DNHD1: variants seen among roughly 807,000 people sequenced by gnomAD.
DNHD1 encodes dynein heavy chain domain 1, also known as dynein heavy chain domain-containing protein 1.
In DNHD1, 383 loss-of-function variants were observed where a neutral mutation model predicts 458.1. The ratio of observed to expected loss-of-function variants is 0.84; its 90% CI spans 0.77 to 0.91. DNHD1 has a LOEUF of 0.91. Among genes scored for constraint, DNHD1 ranks in the 40% least tolerant of loss-of-function variants. The pLI, the probability that DNHD1 is intolerant of heterozygous loss-of-function variation, is 0.00. For synonymous variants in DNHD1, 2,203 were observed against 2,376.9 expected, an observed-to-expected ratio of 0.93 and a Z score of 2.13; for missense variants, 5,336 against 5,866.1, an observed-to-expected ratio of 0.91 and a Z score of 2.95.
intron 4 of DNHD1, among the ~76,000 whole-genome samples, chr11:6,507,156 C>T (rs950557734): frequency 6.6e-6 from 1 of 152,172 alleles, no homozygotes; most frequent in African/African-American, 2.4e-5. Flanking sequence ...TAGAAGTCAT[C>T]TTTATGTCCC....
At chr11:6,520,177 C>A in intron 9 of DNHD1, 61 bp from the exon 10 acceptor site, 6 of 1,606,056 alleles carry the variant, frequency 3.7e-6, no homozygotes, top group Non-Finnish European at 5.1e-6. Flanking sequence ...AAGCTCACAA[C>A]CTGGTTTGAA....
rs746961272 is a variant in DNHD1 at position 6,570,081 on chromosome 11, T to TAA, written c.12936_12937insAA (p.Ala4313LysfsTer25). ...GGGCAAGTCTTAGCAATCCCCGTGC[T>TAA]GCCATGCAAGAGCTGGCTGGTGAGA... On this transcript the variant is annotated frameshift_variant, in exon 40 of 43. Transcript: ENST00000254579. LOFTEE classifies it high-confidence loss of function. 1 of 1,613,866 alleles carries TAA rather than the reference T, an allele frequency of 6.2e-7. No individual in the cohort carries two copies. Among genetic ancestry groups the TAA allele is most frequent in the Non-Finnish European group, 8.5e-7 (1 of 1,179,868 alleles).
chr11:6,520,682 T>G, intron 10 of DNHD1: 1 of 1,050,554 alleles, frequency 9.5e-7, no homozygotes, highest in Non-Finnish European at 1.2e-6. Context: ...ACTTGCTTTA[T>G]GTCATATAGC....
At position 6,538,729 on chromosome 11, in the gene DNHD1, G is replaced by T; in HGVS notation, c.3244G>T (p.Glu1082Ter). Residue 1082 changes from glutamate (E) to a stop codon, truncating the protein, a stop_gained, in exon 16 of 43, where the codon GAG (glutamate) becomes TAG (stop). Coordinates refer to ENST00000254579, the MANE Select transcript of DNHD1 (RefSeq NM_144666.3). LOFTEE classifies it high-confidence loss of function. ...GCAGCACTGCATGCGCATCCTGGGG[G>T]AGTTTCGCAGCTACCTGCCCCTGCT... Reference protein sequence around the residue: ...VLQHCMRILGEFRSYLPLLTK... With the variant: ...VLQHCMRILG The T allele has an allele frequency of 1.9e-6, 3 of 1,549,574 alleles. No individual in the cohort carries two copies. The highest frequency in any genetic ancestry group is 2.6e-6 in the Non-Finnish European group (3 of 1,145,670).
At position 6,570,680 on chromosome 11, in the gene DNHD1, C is replaced by G; in HGVS notation, c.13168C>G (p.Pro4390Ala). The G allele has an allele frequency of 1.9e-6, 3 of 1,612,088 alleles. No homozygotes were observed. The highest frequency in any genetic ancestry group is 1.1e-5 in the South Asian group (1 of 90,538). ...CCAGATGCACCTACTGCCCTCACCACCTGAACCCCGGCTCTGCGGACTGAG... is the reference window on the plus strand; with the variant it reads ...CCAGATGCACCTACTGCCCTCACCAGCTGAACCCCGGCTCTGCGGACTGAG... Reference protein sequence around the residue: ...KAQMHLLPSPPEPRLCGLSEG... With the variant: ...KAQMHLLPSPAEPRLCGLSEG... Residue 4390 changes from proline (P) to alanine (A), a missense_variant, in exon 42 of 43, where the codon CCT becomes GCT. Around this residue, in one of 4 missense-constraint regions of DNHD1, gnomAD observed 698 missense variants for 664.9 expected, o/e 1.05. Coordinates refer to ENST00000254579, the MANE Select transcript of DNHD1 (RefSeq NM_144666.3).
At position 6,547,382 on chromosome 11, in the gene DNHD1, G is replaced by C. The variant is rs900676817; in HGVS notation, c.6443G>C (p.Gly2148Ala). The C allele has an allele frequency of 1.9e-6, 3 of 1,551,764 alleles. No individual in the cohort carries two copies. The highest frequency in any genetic ancestry group is 2.6e-6 in the Non-Finnish European group (3 of 1,147,002). ...GGCTGTTGTGCCCTAGTCTGGTGTG[G>C]TGGAGAGCAGACTTGGCAGTGTATA... is the stretch of plus-strand genomic sequence containing the variant. Reference protein sequence around the residue: ...VVGCCALVWCGGEQTWQCILS... With the variant: ...VVGCCALVWCAGEQTWQCILS... Residue 2148 changes from glycine (G) to alanine (A), a missense_variant, in exon 21 of 43, where the codon GGT (glycine) becomes GCT (alanine). Gly to Ala is a moderately conservative substitution (Grantham distance 60, BLOSUM62 0). Transcript: ENST00000254579.
rs1311341100 is a variant in DNHD1 at position 6,558,781 on chromosome 11, C to T, written c.9211+88C>T. ...TAGGTCAGTCTCTCTCTCTCCCTCT[C>T]TAGAGCCTACAGAGCCCCCTTCACA... is the stretch of plus-strand genomic sequence containing the variant. On this transcript the variant is annotated intron_variant, in intron 26 of 42. Coordinates refer to ENST00000254579, the MANE Select transcript of DNHD1 (RefSeq NM_144666.3). The T allele has an allele frequency of 2.0e-6, 3 of 1,499,350 alleles. No homozygotes were observed. In the South Asian group the frequency reaches 3.6e-5, roughly 18 times the overall value. 92.9% of individuals were successfully genotyped at this position (1,499,350 alleles called of 1,614,324 possible).
Position 6,545,974 on chromosome 11 carries a change from G to A in DNHD1, c.5035G>A (p.Glu1679Lys). 6.4e-7 allele frequency: 1 copy of A among 1,551,800 alleles called. No individual in the cohort carries two copies. Among genetic ancestry groups the A allele is most frequent in the Non-Finnish European group, 8.7e-7 (1 of 1,147,018 alleles). ...PALVLLLALE[E>K]VACGTVLGPN... is the part of the protein sequence containing the mutation. ...CCTGGTACTATTATTGGCCCTAGAG[G>A]AGGTGGCCTGTGGGACCGTACTGGG... Residue 1679 changes from glutamate (E) to lysine (K), a missense_variant, in exon 21 of 43, where the codon GAG (glutamate) becomes AAG (lysine). Transcript: ENST00000254579. The surrounding 1 kb of genome is among the most constrained non-coding windows in gnomAD (Gnocchi z 4.9).
intron 3 of DNHD1, among the ~76,000 whole-genome samples, chr11:6,500,480 G>A (rs1852110945): frequency 6.6e-6 from 1 of 152,210 alleles, no homozygotes; most frequent in African/African-American, 2.4e-5. Context: ...GGCTCCTGGG[G>A]CCCTAATGGG....
chr11:6,517,649 C>CTT (rs1564999126), intron 7 of DNHD1, among the ~76,000 whole-genome samples: 1 of 85,604 alleles, frequency 1.2e-5, no homozygotes. Context: ...TGATCTAGGA[C>CTT]TTCTTTTTTT....
Position 6,548,620 on chromosome 11 carries a change from A to T in DNHD1, c.7099-25A>T. 2 of 1,550,720 alleles carry T rather than the reference A, an allele frequency of 1.3e-6. No individual in the cohort carries two copies. Among genetic ancestry groups the T allele is most frequent in the Non-Finnish European group, 1.7e-6 (2 of 1,146,808 alleles). ...TACTGTCTTATACTGGAGGTGCTGCAGTAAGTCCCACTTCTGTCTTGCAGA... is the reference window on the plus strand; with the variant it reads ...TACTGTCTTATACTGGAGGTGCTGCTGTAAGTCCCACTTCTGTCTTGCAGA... On this transcript the variant is annotated intron_variant, in intron 23 of 42. Transcript: ENST00000254579. This position sits in a 1 kb window ranked among gnomAD's most constrained non-coding sequence, Gnocchi z 4.4.
chr11:6,506,396 G>GTATA (rs1352026961), intron 4 of DNHD1, among the ~76,000 whole-genome samples: 3 of 152,122 alleles, frequency 2.0e-5, no homozygotes, highest in East Asian at 1.9e-4. Flanking sequence ...GTGTTATACA[G>GTATA]ATATTATATT....
intron 36 of DNHD1, 95 bp downstream of exon 36, chr11:6,567,955 C>T: frequency 2.7e-6 from 4 of 1,484,962 alleles, no homozygotes; most frequent in Non-Finnish European, 3.6e-6. Flanking sequence ...TCTTTCTGTA[C>T]TACGTAGGGA....
At chr11:6,566,135 T>A (rs1032994154) in intron 33 of DNHD1, 106 bp from the exon 34 acceptor site, 1 of 1,495,060 alleles carries the variant, frequency 6.7e-7, no homozygotes, top group African/African-American at 1.4e-5. Flanking sequence ...GTGGGAACCC[T>A]CCTATCAGCC....
intron 7 of DNHD1, among the ~76,000 whole-genome samples, chr11:6,512,456 T>TCA (rs1852364493): frequency 6.6e-6 from 1 of 151,816 alleles, no homozygotes; most frequent in Non-Finnish European, 1.5e-5. Flanking sequence ...TCTCCTGACC[T>TCA]TGTGATCCGC....
At chr11:6,517,686 TA>T (rs1297441459) in intron 7 of DNHD1, among the ~76,000 whole-genome samples, 4 of 113,284 alleles carry the variant, frequency 3.5e-5, no homozygotes, top group South Asian at 3.0e-4. Flanking sequence ...TTTTTTTTTT[TA>T]AGGGCACTAA....
chr11:6,510,644 T>C (rs1852319228), intron 6 of DNHD1, among the ~76,000 whole-genome samples: 1 of 152,212 alleles, frequency 6.6e-6, no homozygotes. Flanking sequence ...TAAAGATTTC[T>C]AGATTTAATT....
chr11:6,519,609 G>A lies in DNHD1; in HGVS notation c.1402G>A (p.Asp468Asn), dbSNP rs1187394616. 3 of 1,614,076 alleles carry A rather than the reference G, an allele frequency of 1.9e-6. No individual in the cohort carries two copies. Among genetic ancestry groups the A allele is most frequent in the Non-Finnish European group, 2.5e-6 (3 of 1,180,014 alleles). The change falls in exon 8 of 43, where the codon GAC becomes AAC. Residue 468 changes from aspartate to asparagine, a missense_variant. Around this residue, in one of 4 missense-constraint regions of DNHD1, gnomAD observed 3,932 missense variants for 4,365.6 expected, o/e 0.90. Transcript: ENST00000254579. ...CTSILRLVHEDTYHMQQCLQE... is the reference protein window; with the variant it reads ...CTSILRLVHENTYHMQQCLQE... ...CACTCTATGCTCACAGGTTCACGAG[G>A]ACACATACCACATGCAACAGTGCCT...
chr11:6,571,755 A>C lies in DNHD1; in HGVS notation c.14031A>C (p.Gln4677His), dbSNP rs1260011990. The C allele has an allele frequency of 1.9e-6, 3 of 1,613,298 alleles. No homozygotes were observed. The African/African-American group carries it at 4.0e-5, about 22-fold the overall frequency. Reference protein sequence around the residue: ...AGALQDSPSSQPSPLPPVSIS... With the variant: ...AGALQDSPSSHPSPLPPVSIS... ...CCTTGCAGGACAGTCCTTCCAGCCA[A>C]CCCAGCCCTCTGCCTCCCGTCAGCA... is the stretch of plus-strand genomic sequence containing the variant. The change falls in exon 43 of 43, where the codon CAA becomes CAC. Residue 4677 changes from glutamine to histidine, a missense_variant. Physicochemically the swap from Gln to His is conservative, Grantham distance 24. Coordinates refer to ENST00000254579, the MANE Select transcript of DNHD1 (RefSeq NM_144666.3). The surrounding 1 kb of genome is among the most constrained non-coding windows in gnomAD (Gnocchi z 5.0).
Sources: allele counts gnomAD v4.1 joint callset (sites outside exome capture counted in the v4.1 genomes callset), GRCh38; gene constraint gnomAD v4.1.1; regional missense constraint gnomAD v4.1.1; non-coding constraint Gnocchi (gnomAD v3.1); transcripts MANE v1.5; gene names NCBI Gene and HGNC (gene_info 2026-07-23, HGNC 2026-07-21).